The following KCTD16 variants were observed in gnomAD, a reference collection of about 807,000 sequenced individuals.
The protein encoded by KCTD16 is potassium channel tetramerization domain containing 16, also known as BTB/POZ domain-containing protein KCTD16.
In KCTD16, 13 loss-of-function variants were observed where a neutral mutation model predicts 33.2. The observed-to-expected ratio is 0.39, with a 90% CI of 0.25 to 0.62. The LOEUF is 0.62. KCTD16 is among the 20% of genes least tolerant of loss of function. The pLI is 0.50. For synonymous variants in KCTD16, 197 were observed against 195.3 expected, an observed-to-expected ratio of 1.01 and a Z score of -0.07; for missense variants, 441 against 525.1, an observed-to-expected ratio of 0.84 and a Z score of 1.57.
At chr5:144,332,426 T>G (rs1277194325) in intron 3 of KCTD16, among the ~76,000 whole-genome samples, 1 of 152,046 alleles carries the variant, frequency 6.6e-6, no homozygotes, top group Non-Finnish European at 1.5e-5. Context: ...ACCTGATAAA[T>G]CACCCACCTT....
intron 3 of KCTD16, among the ~76,000 whole-genome samples, chr5:144,273,231 A>T (rs1054843119): frequency 1.2e-4 from 18 of 152,142 alleles, no homozygotes; most frequent in African/African-American, 4.3e-4. Context: ...CAACATTCCT[A>T]ATCACTAGGG....
rs541522360 is a variant in KCTD16 at position 144,287,039 on chromosome 5, G to T, written c.832+79493G>T. On this transcript the variant is annotated intron_variant, in intron 3 of 3. Coordinates refer to ENST00000512467, the MANE Select transcript of KCTD16 (RefSeq NM_020768.4). Reference sequence around the variant, plus strand: ...ACAGAATTAAACATGTAAGCATTTTGTTAGGGGAAATGCCTGTGAGAGAAA... The same window carrying T: ...ACAGAATTAAACATGTAAGCATTTTTTTAGGGGAAATGCCTGTGAGAGAAA... 4.6e-5 allele frequency among the ~76,000 whole-genome samples: 7 copies of T among 152,316 alleles called. No homozygotes were observed. In the East Asian group the frequency reaches 1.3e-3, roughly 29 times the overall value.
In KCTD16 at chr5:144,483,448, T is replaced by C. The variant is rs1445088462; in HGVS notation, c.*9334T>C. The stretch of plus-strand genomic sequence containing the variant: ...GATACTAAAAGTCATGGGCACATTG[T>C]AATAATCACAAAGTTTTAGTCTCCT... On this transcript the variant is annotated 3_prime_UTR_variant, in exon 4 of 4. Coordinates refer to ENST00000512467, the MANE Select transcript of KCTD16 (RefSeq NM_020768.4). 1 of 151,962 alleles carries C rather than the reference T, an allele frequency of 6.6e-6. No individual in the cohort carries two copies. Among genetic ancestry groups the C allele is most frequent in the Non-Finnish European group, 1.5e-5 (1 of 67,926 alleles). The allele number at this position is 151,962 out of a possible 1,614,324, so 9.4% of individuals were successfully genotyped here. A position where few individuals can be genotyped will look rare whatever the true frequency, so the allele number is the denominator to read the frequency against.
intron 3 of KCTD16, among the ~76,000 whole-genome samples, chr5:144,379,028 A>G (rs1406980079): frequency 6.6e-6 from 1 of 152,188 alleles, no homozygotes; most frequent in Non-Finnish European, 1.5e-5. Flanking sequence ...GGAGAAAGGG[A>G]TGCATCCTGG....
At chr5:144,171,875 C>T (rs915321735) in intron 1 of KCTD16, among the ~76,000 whole-genome samples, 3 of 152,080 alleles carry the variant, frequency 2.0e-5, no homozygotes. Context: ...TGCTTTGGCT[C>T]CTGTGTTAAA....
intron 3 of KCTD16, among the ~76,000 whole-genome samples, chr5:144,413,923 TCTA>T (rs1205511753): frequency 2.0e-5 from 3 of 152,192 alleles, no homozygotes; most frequent in Non-Finnish European, 4.4e-5. Context: ...CCTTGGCCAC[TCTA>T]CTTTTTCTCT....
chr5:144,195,082 A>T (rs571268681), intron 2 of KCTD16, among the ~76,000 whole-genome samples: 7 of 152,270 alleles, frequency 4.6e-5, no homozygotes, highest in African/African-American at 9.6e-5. Context: ...GACCCTCAGG[A>T]TATCCTTAAT....
At chr5:144,350,692 T>A (rs986631591) in intron 3 of KCTD16, among the ~76,000 whole-genome samples, 3 of 152,174 alleles carry the variant, frequency 2.0e-5, no homozygotes, top group Non-Finnish European at 4.4e-5. Flanking sequence ...AAGAAAACTT[T>A]TTTTCGCAGC....
intron 3 of KCTD16, among the ~76,000 whole-genome samples, chr5:144,232,652 A>G (rs868296573): frequency 2.5e-4 from 38 of 152,324 alleles, no homozygotes; most frequent in Middle Eastern, 3.4e-3. Flanking sequence ...TCCCTAAGGT[A>G]GATTCTGCAG....
chr5:144,221,930 T>C (rs1457811625), intron 3 of KCTD16, among the ~76,000 whole-genome samples: 1 of 152,222 alleles, frequency 6.6e-6, no homozygotes. Flanking sequence ...CAGCACCTGT[T>C]GTTTCCTGAC....
In KCTD16 at chr5:144,170,936, G is replaced by C. The variant is rs1752367147; in HGVS notation, c.-566G>C. 6.6e-6 allele frequency: 1 copy of C among 152,268 alleles called. No homozygotes were observed. 9.4% of individuals were successfully genotyped at this position (152,268 alleles called of 1,614,324 possible). A position where few individuals can be genotyped will look rare whatever the true frequency, so the allele number is the denominator to read the frequency against. On this transcript the variant is annotated 5_prime_UTR_variant, in exon 1 of 4. Coordinates refer to ENST00000512467, the MANE Select transcript of KCTD16 (RefSeq NM_020768.4). The stretch of plus-strand genomic sequence containing the variant: ...TGAGACAGACGGAGTCCCCTCTCCT[G>C]TCCACAAACTACAATGCCTACAATG...
At chr5:144,361,011 G>A (rs1015783204) in intron 3 of KCTD16, among the ~76,000 whole-genome samples, 34 of 150,586 alleles carry the variant, frequency 2.3e-4, no homozygotes, top group African/African-American at 7.8e-4. Context: ...CCACTAACTC[G>A]TCATCTAGCA....
intron 3 of KCTD16, among the ~76,000 whole-genome samples, chr5:144,281,151 C>T (rs1209508216): frequency 6.6e-6 from 1 of 152,230 alleles, no homozygotes; most frequent in African/African-American, 2.4e-5. Flanking sequence ...CACTGTACTC[C>T]AGCCTAGGCG....
intron 3 of KCTD16, among the ~76,000 whole-genome samples, chr5:144,451,418 C>T (rs1753939156): frequency 6.6e-6 from 1 of 152,140 alleles, no homozygotes. Flanking sequence ...TCACAGGATT[C>T]CTCAGCCTTA....
At position 144,479,574 on chromosome 5, in the gene KCTD16, T is replaced by G. The variant is rs1353603303; in HGVS notation, c.*5460T>G. 6.6e-6 allele frequency: 1 copy of G among 151,776 alleles called. No homozygotes were observed. Among genetic ancestry groups the G allele is most frequent in the Non-Finnish European group, 1.5e-5 (1 of 67,890 alleles). The allele number at this position is 151,776 out of a possible 1,614,324, so 9.4% of individuals were successfully genotyped here. A position where few individuals can be genotyped will look rare whatever the true frequency, so the allele number is the denominator to read the frequency against. Reference sequence around the variant, plus strand: ...TATTGCCAAAGGAAAGTGAAGGATGTTTAATGAAACTGATGAACATGAGCA... The same window carrying G: ...TATTGCCAAAGGAAAGTGAAGGATGGTTAATGAAACTGATGAACATGAGCA... On this transcript the variant is annotated 3_prime_UTR_variant, in exon 4 of 4. Coordinates refer to ENST00000512467, the MANE Select transcript of KCTD16 (RefSeq NM_020768.4).
At chr5:144,370,264 G>T (rs886861426) in intron 3 of KCTD16, among the ~76,000 whole-genome samples, 2 of 152,142 alleles carry the variant, frequency 1.3e-5, no homozygotes, top group African/African-American at 4.8e-5. Context: ...AGTATAAAAA[G>T]CTCCTGACAG....
chr5:144,425,727 G>A (rs1753313759), intron 3 of KCTD16, among the ~76,000 whole-genome samples: 1 of 152,014 alleles, frequency 6.6e-6, no homozygotes, highest in African/African-American at 2.4e-5. Flanking sequence ...GAAGCACTGT[G>A]CTGGAATGCA....
chr5:144,252,611 T>A (rs1754731860), intron 3 of KCTD16, among the ~76,000 whole-genome samples: 1 of 152,052 alleles, frequency 6.6e-6, no homozygotes, highest in African/African-American at 2.4e-5. Flanking sequence ...AGGTGAATTT[T>A]TTTTTTTTTT....
At chr5:144,369,274 A>C (rs912620627) in intron 3 of KCTD16, 10 of 152,270 alleles carry the variant, frequency 6.6e-5, no homozygotes, top group African/African-American at 2.2e-4. Context: ...CTGAAGCCTG[A>C]GAGACATGGT....
Sources: gnomAD v4.1 joint callset for allele counts (sites outside exome capture counted in the v4.1 genomes callset) on GRCh38, gnomAD v4.1.1 for gene constraint, MANE v1.5 for transcripts, NCBI Gene and HGNC (gene_info 2026-07-23, HGNC 2026-07-21) for gene names.